The following WDPCP variants were observed in gnomAD, a reference collection of about 807,000 sequenced individuals.
WDPCP encodes the protein WD repeat containing planar cell polarity effector, also known as WD repeat-containing and planar cell polarity effector protein fritz homolog.
In WDPCP, 71 loss-of-function variants were observed where a neutral mutation model predicts 93.1. That is an observed-to-expected ratio of 0.76 (90% CI 0.63 to 0.93). The LOEUF (loss-of-function observed/expected upper bound fraction) is 0.93. Among genes scored for constraint, WDPCP ranks in the 40% least tolerant of loss-of-function variants. The pLI is 0.00. For missense variants in WDPCP, 844 were observed against 887.4 expected (o/e 0.95, Z 0.62); for synonymous variants, 315 against 315.0 (o/e 1.00, Z 0.00).
chr2:63,457,933 G>A (rs150715090), intron 6 of WDPCP, among the ~76,000 whole-genome samples: 193 of 152,124 alleles, frequency 1.3e-3, no homozygotes, highest in Middle Eastern at 3.4e-3. Flanking sequence ...AGACCATCTT[G>A]GCCAACATGG....
chr2:63,687,849 G>GA (rs1176868020), intron 2 of WDPCP, among the ~76,000 whole-genome samples: 1 of 152,146 alleles, frequency 6.6e-6, no homozygotes, highest in Non-Finnish European at 1.5e-5. Flanking sequence ...ATACCTAAAT[G>GA]AAAGGAAATC....
At chr2:63,651,279 T>G (rs262485) in intron 2 of WDPCP, among the ~76,000 whole-genome samples, 120,460 of 152,018 alleles carry the variant, frequency 0.79, 48,204 homozygotes, top group East Asian at 0.98. Context: ...ATATTATAAA[T>G]ACATACCAAA....
chr2:63,247,016 A>G lies in WDPCP; in HGVS notation c.1915+12291T>C, dbSNP rs999510065. ...ATTGAAAGACTAGAGCAGCATGAAC[A>G]AGAAATCATGTCAGTTTATAAAACC... On this transcript the variant is annotated intron_variant, in intron 14 of 17. Transcript: ENST00000272321. 3.3e-5 allele frequency among the ~76,000 whole-genome samples: 5 copies of G among 152,208 alleles called. No individual in the cohort carries two copies. The East Asian group carries it at 9.6e-4, about 29-fold the overall frequency.
In WDPCP at chr2:63,644,860, TTTTCATCTCTGTTTTGATTA is replaced by T. The variant is rs1363816818; in HGVS notation, n.488+5779_488+5798del. On this transcript the variant is annotated intron_variant and non_coding_transcript_variant, in intron 3 of 4. Coordinates refer to the WDPCP transcript ENST00000467687. ...TGCAGTATCAGCTGTAATGTGTCCT[TTTTCATCTCTGTTTTGATTA>T]TTTGGATCTCCTCTCTTTTTTTCTT... 2.0e-5 allele frequency among the ~76,000 whole-genome samples: 3 copies of T among 152,174 alleles called. No individual in the cohort carries two copies. The East Asian group carries it at 5.8e-4, about 29-fold the overall frequency.
At chr2:63,262,539 C>CAAAAAAAAAAAAAA (rs5831658) in intron 13 of WDPCP, among the ~76,000 whole-genome samples, 1 of 130,086 alleles carries the variant, frequency 7.7e-6, no homozygotes, top group Non-Finnish European at 1.6e-5. Context: ...CCATATAAGC[C>CAAAAAAAAAAAAAA]AAAAAAAAAA....
intron 2 of WDPCP, 123 bp downstream of exon 2, chr2:63,492,733 C>A: frequency 2.4e-6 from 2 of 844,984 alleles, no homozygotes; most frequent in Non-Finnish European, 3.8e-6. Flanking sequence ...ACCAATTTTT[C>A]ATTAAGAATA....
intron 1 of WDPCP, among the ~76,000 whole-genome samples, chr2:63,584,854 A>T (rs1708733825): frequency 6.6e-6 from 1 of 152,194 alleles, no homozygotes; most frequent in Admixed American, 6.5e-5. Context: ...ACTTGAAAAA[A>T]ACTCAAGGTT....
intron 3 of WDPCP, among the ~76,000 whole-genome samples, chr2:63,639,062 A>G (rs1709952271): frequency 6.6e-6 from 1 of 152,260 alleles, no homozygotes; most frequent in Non-Finnish European, 1.5e-5. Flanking sequence ...TTCATCCAAT[A>G]TGAAATAGAG....
chr2:63,840,300 G>C, the WDPCP span, among the ~76,000 whole-genome samples: 1 of 152,222 alleles, frequency 6.6e-6, no homozygotes, highest in African/African-American at 2.4e-5. Flanking sequence ...CTAGTGTCAA[G>C]TTCCGTGTAA....
At chr2:63,808,950 C>T (rs1044085768) in intron 2 of WDPCP, among the ~76,000 whole-genome samples, 14 of 152,008 alleles carry the variant, frequency 9.2e-5, no homozygotes, top group South Asian at 2.1e-4. Flanking sequence ...TGTCTCTGCC[C>T]GGCCTCCCAT....
chr2:63,415,084 GA>G (rs1029041484), intron 9 of WDPCP, among the ~76,000 whole-genome samples: 5 of 152,090 alleles, frequency 3.3e-5, no homozygotes, highest in Non-Finnish European at 5.9e-5. Context: ...AAAGTTTAAA[GA>G]TTAAAAAAAT....
chr2:63,661,617 A>G (rs993652039), intron 2 of WDPCP, among the ~76,000 whole-genome samples: 1 of 152,248 alleles, frequency 6.6e-6, no homozygotes, highest in East Asian at 1.9e-4. Context: ...TGCTTGAATC[A>G]TCTTAAATAC....
intron 2 of WDPCP, among the ~76,000 whole-genome samples, chr2:63,728,981 A>T (rs903450485): frequency 1.2e-4 from 19 of 152,216 alleles, no homozygotes; most frequent in African/African-American, 4.1e-4. Context: ...ACATACACTG[A>T]CACTTTTAAT....
chr2:63,573,784 G>A (rs1707719649), intron 1 of WDPCP, among the ~76,000 whole-genome samples: 1 of 152,156 alleles, frequency 6.6e-6, no homozygotes, highest in Admixed American at 6.5e-5. Flanking sequence ...AAAAGCAAAT[G>A]GGAGAAATAC....
chr2:63,447,995 T>C (rs928934105), intron 6 of WDPCP, among the ~76,000 whole-genome samples: 21 of 152,142 alleles, frequency 1.4e-4, no homozygotes, highest in African/African-American at 4.6e-4. Context: ...AGAAATCATT[T>C]TATTATTTTA....
At chr2:63,711,187 C>CAGTG (rs1669257386) in intron 2 of WDPCP, among the ~76,000 whole-genome samples, 1 of 152,006 alleles carries the variant, frequency 6.6e-6, no homozygotes, top group Admixed American at 6.6e-5. Context: ...CAGTGGGCTT[C>CAGTG]AGTGGGTAGA....
chr2:63,260,359 A>G (rs906718719), intron 13 of WDPCP, among the ~76,000 whole-genome samples: 2 of 152,372 alleles, frequency 1.3e-5, no homozygotes, highest in African/African-American at 4.8e-5. Flanking sequence ...ATGAACAACC[A>G]GTTTACAGTG....
intron 6 of WDPCP, among the ~76,000 whole-genome samples, chr2:63,472,711 C>T (rs1699765526): frequency 6.6e-6 from 1 of 152,118 alleles, no homozygotes; most frequent in South Asian, 2.1e-4. Flanking sequence ...AGGTGTGTGC[C>T]ACCACGCCTG....
chr2:63,202,063 C>T (rs1284532138), intron 14 of WDPCP, among the ~76,000 whole-genome samples: 1 of 151,334 alleles, frequency 6.6e-6, no homozygotes, highest in Non-Finnish European at 1.5e-5. Context: ...TTGAGGACTG[C>T]TCTATTTCAC....
Sources: gnomAD v4.1 joint callset for allele counts (sites outside exome capture counted in the v4.1 genomes callset) on GRCh38, gnomAD v4.1.1 for gene constraint, MANE v1.5 for transcripts, NCBI Gene and HGNC (gene_info 2026-07-23, HGNC 2026-07-21) for gene names.